Variants in EYA2 observed in about 807,000 individuals in gnomAD.
EYA2 encodes the protein EYA transcriptional coactivator and phosphatase 2.
A neutral mutation model predicts 69.2 loss-of-function variants in EYA2; 31 were observed. That is an observed-to-expected ratio of 0.45 (90% CI 0.34 to 0.60). The LOEUF (loss-of-function observed/expected upper bound fraction) is 0.60. EYA2 is among the 20% of genes least tolerant of loss of function. The probability of loss-of-function intolerance (pLI) is 0.02; values close to 1 mark genes in which losing one functional copy is unlikely to be tolerated. For synonymous variants in EYA2, 257 were observed against 279.4 expected (o/e 0.92, Z 0.80); for missense variants, 622 against 701.2 (o/e 0.89, Z 1.28).
At chr20:47,105,965 AT>A (rs1351527905) in intron 9 of EYA2, among the ~76,000 whole-genome samples, 1 of 152,228 alleles carries the variant, frequency 6.6e-6, no homozygotes, top group Non-Finnish European at 1.5e-5. Flanking sequence ...ACAGTTTCCA[AT>A]CAGCCCCTGA....
At chr20:46,935,158 G>A (rs112876577) in intron 1 of EYA2, among the ~76,000 whole-genome samples, 104 of 152,322 alleles carry the variant, frequency 6.8e-4, no homozygotes, top group African/African-American at 2.4e-3. Context: ...TCTACTCAGG[G>A]CCAAACCTTT....
At chr20:47,065,253 C>G (rs2031066679) in intron 5 of EYA2, among the ~76,000 whole-genome samples, 1 of 152,180 alleles carries the variant, frequency 6.6e-6, no homozygotes, top group African/African-American at 2.4e-5. Context: ...CCAAGGCCAC[C>G]TCCAGGCACC....
chr20:47,172,047 C>T (rs769003992), intron 11 of EYA2, among the ~76,000 whole-genome samples: 16 of 151,506 alleles, frequency 1.1e-4, no homozygotes, highest in Non-Finnish European at 1.5e-4. Flanking sequence ...TGCAGTGAGC[C>T]GAGATCATGC....
chr20:47,031,408 A>G (rs1021090399), intron 5 of EYA2, among the ~76,000 whole-genome samples: 2 of 152,174 alleles, frequency 1.3e-5, no homozygotes, highest in Admixed American at 1.3e-4. Context: ...GGATGAGTGG[A>G]CTATGGGGGG....
chr20:46,961,608 G>A (rs1353057491), intron 1 of EYA2, among the ~76,000 whole-genome samples: 5 of 152,144 alleles, frequency 3.3e-5, no homozygotes, highest in Non-Finnish European at 5.9e-5. Flanking sequence ...CCCAGATATG[G>A]AATCAACCTA....
intron 5 of EYA2, among the ~76,000 whole-genome samples, chr20:47,023,599 A>T (rs1420305419): frequency 7.1e-6 from 1 of 140,268 alleles, no homozygotes; most frequent in South Asian, 2.3e-4. Flanking sequence ...CATCCCATAC[A>T]TCATTTTCAT....
chr20:46,938,010 C>A (rs757052732), intron 1 of EYA2, among the ~76,000 whole-genome samples: 9 of 152,116 alleles, frequency 5.9e-5, no homozygotes, highest in Non-Finnish European at 1.2e-4. Flanking sequence ...CTTATCTTAT[C>A]CCCATTGCAC....
intron 1 of EYA2, 149 bp from the exon 2 acceptor site, chr20:46,989,852 T>C (rs965825772): frequency 6.2e-5 from 29 of 466,382 alleles, no homozygotes; most frequent in African/African-American, 5.6e-4. Flanking sequence ...TGATGAAAAG[T>C]TGAGTGAATT....
At position 47,164,272 on chromosome 20, in the gene EYA2, C is replaced by T. The variant is rs1168386987; in HGVS notation, c.979-4867C>T. On this transcript the variant is annotated intron_variant, in intron 10 of 15. Coordinates refer to ENST00000327619, the MANE Select transcript of EYA2 (RefSeq NM_005244.5). ...GAGTATGAGGTAGCGTCTAGCTGAG[C>T]GTCACGGTATTTTATTAAGTCCGAA... Among the ~76,000 whole-genome samples, 4 of 152,126 alleles carry T rather than the reference C, an allele frequency of 2.6e-5. No individual in the cohort carries two copies. In the East Asian group the frequency reaches 7.7e-4, roughly 29 times the overall value.
intron 9 of EYA2, among the ~76,000 whole-genome samples, chr20:47,097,520 T>C (rs533695561): frequency 3.3e-5 from 5 of 152,350 alleles, no homozygotes; most frequent in African/African-American, 1.2e-4. Context: ...TAAAGTACTT[T>C]TCTTCTTCCC....
chr20:47,011,233 T>A lies in EYA2; in HGVS notation c.299-4948T>A, dbSNP rs944874873. On this transcript the variant is annotated intron_variant, in intron 4 of 15. Transcript: ENST00000327619. ...ATTGTAGTCACGAGGAAACTGAGGC[T>A]TGGAAAGCAGAGGGCACCTGCCTCA... 1.8e-4 allele frequency among the ~76,000 whole-genome samples: 27 copies of A among 152,150 alleles called. 1 individual carries two copies. Among genetic ancestry groups the A allele is most frequent in the Admixed American group, 6.5e-5 (1 of 15,280 alleles).
chr20:47,025,428 T>C (rs1417800587), intron 5 of EYA2, among the ~76,000 whole-genome samples: 1 of 152,262 alleles, frequency 6.6e-6, no homozygotes, highest in Non-Finnish European at 1.5e-5. Context: ...ATGCACACTC[T>C]TCTGCACTTC....
intron 9 of EYA2, among the ~76,000 whole-genome samples, chr20:47,113,659 A>G (rs910775046): frequency 1.3e-5 from 2 of 152,114 alleles, no homozygotes; most frequent in Admixed American, 6.5e-5. Flanking sequence ...CAGATCACAC[A>G]CTTTGTATTC....
rs113702922 is a variant in EYA2 at position 46,924,530 on chromosome 20, C to A, written c.-11+29543C>A. 7.8e-3 allele frequency among the ~76,000 whole-genome samples: 1,180 copies of A among 152,098 alleles called. 21 individuals carry two copies. The highest frequency in any genetic ancestry group is 0.027 in the African/African-American group (1,121 of 41,486). The stretch of plus-strand genomic sequence containing the variant: ...CTAAAAATACAAAAAATTAGCCAGG[C>A]GTGGTGGCGGGCGCCTGTAGTCCCA... On this transcript the variant is annotated intron_variant, in intron 1 of 15. Coordinates refer to ENST00000327619, the MANE Select transcript of EYA2 (RefSeq NM_005244.5).
rs1484546869 is a variant in EYA2 at position 47,013,577 on chromosome 20, C to T, written c.299-2604C>T. Among the ~76,000 whole-genome samples, 5 of 152,314 alleles carry T rather than the reference C, an allele frequency of 3.3e-5. No individual in the cohort carries two copies. In the South Asian group the frequency reaches 6.2e-4, roughly 19 times the overall value. ...CTGGAATCAACCTGGAGTTCATCATCAGGGAACTGGCTGAACAAGCAGTGA... is the reference window on the plus strand; with the variant it reads ...CTGGAATCAACCTGGAGTTCATCATTAGGGAACTGGCTGAACAAGCAGTGA... On this transcript the variant is annotated intron_variant, in intron 4 of 15. Transcript: ENST00000327619.
intron 1 of EYA2, among the ~76,000 whole-genome samples, chr20:46,930,695 A>G (rs6012081): frequency 0.054 from 8,247 of 152,278 alleles, 778 homozygotes; most frequent in African/African-American, 0.19. Context: ...TGCACATTAA[A>G]AGAGAAATAA....
chr20:47,148,781 C>G (rs1273528243), intron 10 of EYA2, among the ~76,000 whole-genome samples: 4 of 152,234 alleles, frequency 2.6e-5, no homozygotes, highest in Non-Finnish European at 5.9e-5. Context: ...TGCTCAAGAT[C>G]TGTCAAAACT....
chr20:47,110,782 G>C (rs1028388290), intron 9 of EYA2, among the ~76,000 whole-genome samples: 81 of 152,342 alleles, frequency 5.3e-4, no homozygotes, highest in African/African-American at 1.9e-3. Context: ...GGCAAATACA[G>C]CAGAAATAAG....
chr20:46,896,888 C>T (rs1323215110), intron 1 of EYA2, among the ~76,000 whole-genome samples: 2 of 152,166 alleles, frequency 1.3e-5, no homozygotes, highest in Non-Finnish European at 2.9e-5. Flanking sequence ...TAAAATAGCT[C>T]ACCTGGTGTT....
Sources: allele counts gnomAD v4.1 joint callset (sites outside exome capture counted in the v4.1 genomes callset), GRCh38; gene constraint gnomAD v4.1.1; transcripts MANE v1.5; gene names NCBI Gene and HGNC (gene_info 2026-07-23, HGNC 2026-07-21).